KCNH1: variants seen among roughly 807,000 people sequenced by gnomAD.
KCNH1 encodes potassium voltage-gated channel subfamily H member 1, also known as voltage-gated delayed rectifier potassium channel KCNH1.
KCNH1 carries 27 observed loss-of-function variants against 69.2 expected under a neutral mutation model. The observed-to-expected ratio is 0.39, with a 90% confidence interval of 0.29 to 0.54. KCNH1 has a LOEUF of 0.54. KCNH1 is among the 20% of genes least tolerant of loss of function. KCNH1 has a pLI of 0.68. For synonymous variants in KCNH1, 456 were observed against 487.7 expected, an observed-to-expected ratio of 0.93 and a Z score of 0.86; for missense variants, 798 against 1,261.6, an observed-to-expected ratio of 0.63 and a Z score of 5.57.
At chr1:210,710,992 C>T (rs1411477065) in intron 10 of KCNH1, among the ~76,000 whole-genome samples, 1 of 152,200 alleles carries the variant, frequency 6.6e-6, no homozygotes, top group Non-Finnish European at 1.5e-5. Context: ...GAGCCAGCCT[C>T]ATGCTGTTCA....
At chr1:211,050,027 G>A (rs1290318642) in intron 5 of KCNH1, among the ~76,000 whole-genome samples, 1 of 151,972 alleles carries the variant, frequency 6.6e-6, no homozygotes, top group Non-Finnish European at 1.5e-5. Context: ...AAGGACACAA[G>A]TAGAGCACCC....
intron 7 of KCNH1, chr1:210,859,758 A>G (rs1574301152): frequency 9.6e-7 from 1 of 1,045,832 alleles, no homozygotes; most frequent in South Asian, 1.3e-5. Context: ...TATCAATAAG[A>G]GCACAGAGAC....
intron 1 of KCNH1, among the ~76,000 whole-genome samples, chr1:211,131,477 C>T (rs2102506363): frequency 6.6e-6 from 1 of 152,232 alleles, no homozygotes; most frequent in African/African-American, 2.4e-5. Context: ...AAAAGAGGAA[C>T]ATTAATACTG....
chr1:210,907,114 G>C (rs574868287), intron 7 of KCNH1, among the ~76,000 whole-genome samples: 1 of 152,212 alleles, frequency 6.6e-6, no homozygotes, highest in South Asian at 2.1e-4. Flanking sequence ...ATTGTAACTT[G>C]GTTAAAGCTA....
At chr1:210,709,722 AAGAGAG>A (rs71831798) in intron 10 of KCNH1, among the ~76,000 whole-genome samples, 44 of 100,102 alleles carry the variant, frequency 4.4e-4, no homozygotes, top group African/African-American at 9.3e-4. Context: ...AGAAAGAAAG[AAGAGAG>A]AGAGAGAGAG....
chr1:211,006,100 G>T (rs1421537816), intron 6 of KCNH1, among the ~76,000 whole-genome samples: 1 of 152,162 alleles, frequency 6.6e-6, no homozygotes, highest in Non-Finnish European at 1.5e-5. Context: ...AAACATCAGT[G>T]TTGGCAAGGA....
chr1:211,022,767 A>G (rs1486619961), intron 5 of KCNH1, among the ~76,000 whole-genome samples: 2 of 152,276 alleles, frequency 1.3e-5, no homozygotes, highest in South Asian at 4.1e-4. Context: ...ATCAAAATGC[A>G]ATGAAATGTA....
chr1:210,895,762 A>C (rs527765245), intron 7 of KCNH1, among the ~76,000 whole-genome samples: 5 of 152,276 alleles, frequency 3.3e-5, no homozygotes, highest in East Asian at 1.9e-4. Context: ...GACTAAAAAA[A>C]AAAATACTCT....
chr1:210,799,360 A>T lies in KCNH1; in HGVS notation c.1663-1600T>A, dbSNP rs531773273. On this transcript the variant is annotated intron_variant, in intron 8 of 10. Coordinates refer to ENST00000271751, the MANE Select transcript of KCNH1 (RefSeq NM_172362.3). The stretch of plus-strand genomic sequence containing the variant: ...TTAGAGCCTGGTTTAGATCCCAACC[A>T]ATTCCTATACTAGGCAGCTGCCCCA... 2.6e-5 allele frequency among the ~76,000 whole-genome samples: 4 copies of T among 152,306 alleles called. 1 individual carries two copies. The highest frequency in any genetic ancestry group is 9.6e-5 in the African/African-American group (4 of 41,570).
chr1:211,031,482 C>G (rs1321368317), intron 5 of KCNH1, among the ~76,000 whole-genome samples: 2 of 152,052 alleles, frequency 1.3e-5, no homozygotes, highest in Admixed American at 6.6e-5. Flanking sequence ...AACATTGATG[C>G]AAAAATCCTC....
chr1:211,036,274 C>T (rs1289353680), intron 5 of KCNH1, among the ~76,000 whole-genome samples: 1 of 152,080 alleles, frequency 6.6e-6, no homozygotes, highest in East Asian at 1.9e-4. Flanking sequence ...AACTCATTGT[C>T]CAGATGCAGT....
intron 6 of KCNH1, among the ~76,000 whole-genome samples, chr1:210,957,653 C>G (rs563196935): frequency 6.6e-6 from 1 of 152,166 alleles, no homozygotes; most frequent in African/African-American, 2.4e-5. Flanking sequence ...GAATTATTCT[C>G]TTTACCATTA....
intron 5 of KCNH1, among the ~76,000 whole-genome samples, chr1:211,035,755 A>C (rs1188349791): frequency 6.6e-6 from 1 of 152,210 alleles, no homozygotes; most frequent in Non-Finnish European, 1.5e-5. Flanking sequence ...GTTCTTTATT[A>C]CAGAAAACCA....
At chr1:210,917,126 A>G (rs1687350310) in intron 7 of KCNH1, among the ~76,000 whole-genome samples, 1 of 151,758 alleles carries the variant, frequency 6.6e-6, no homozygotes, top group South Asian at 2.1e-4. Flanking sequence ...AGCCTGGGCA[A>G]CAGAGTGAGA....
intron 7 of KCNH1, chr1:210,860,028 C>A (rs59236385): frequency 6.5e-7 from 1 of 1,529,164 alleles, no homozygotes; most frequent in South Asian, 1.1e-5. Context: ...GTCAACGTGA[C>A]GCCCTTTGCA....
At chr1:210,706,505 C>G (rs575684489) in intron 10 of KCNH1, among the ~76,000 whole-genome samples, 6 of 152,252 alleles carry the variant, frequency 3.9e-5, no homozygotes, top group African/African-American at 7.2e-5. Context: ...GACTCAGAAC[C>G]TGTTTGATGG....
At chr1:211,111,349 C>T (rs1691457207) in intron 1 of KCNH1, among the ~76,000 whole-genome samples, 1 of 151,406 alleles carries the variant, frequency 6.6e-6, no homozygotes, top group African/African-American at 2.4e-5. Flanking sequence ...GGCCCCCCCA[C>T]CGTCTGGGAA....
intron 10 of KCNH1, among the ~76,000 whole-genome samples, chr1:210,746,927 G>A (rs1430570030): frequency 2.0e-5 from 3 of 152,172 alleles, no homozygotes; most frequent in South Asian, 4.1e-4. Flanking sequence ...TGGGACAGAG[G>A]AAGGGGGAAA....
intron 7 of KCNH1, among the ~76,000 whole-genome samples, chr1:210,877,189 AC>A (rs2102502934): frequency 6.6e-6 from 1 of 152,222 alleles, no homozygotes; most frequent in East Asian, 1.9e-4. Context: ...CTAGAAATTT[AC>A]TAATTATAGC....
Sources: gnomAD v4.1 joint callset for allele counts (sites outside exome capture counted in the v4.1 genomes callset) on GRCh38, gnomAD v4.1.1 for gene constraint, MANE v1.5 for transcripts, NCBI Gene and HGNC (gene_info 2026-07-23, HGNC 2026-07-21) for gene names.